Variants in HCRTR2 observed in about 807,000 individuals in gnomAD.
HCRTR2 encodes the protein orexin receptor type 2.
A neutral mutation model predicts 49.0 loss-of-function variants in HCRTR2; 22 were observed. The ratio of observed to expected loss-of-function variants is 0.45; its 90% CI spans 0.32 to 0.64. HCRTR2 has a LOEUF of 0.64. Among genes scored for constraint, HCRTR2 ranks in the 30% least tolerant of loss-of-function variants. The pLI, the probability that HCRTR2 is intolerant of heterozygous loss-of-function variation, is 0.04. For missense variants in HCRTR2, 491 were observed against 559.4 expected (o/e 0.88, Z 1.23); for synonymous variants, 236 against 205.3 (o/e 1.15, Z -1.28).
intron 1 of HCRTR2, among the ~76,000 whole-genome samples, chr6:55,178,616 T>G (rs1411890734): frequency 6.6e-6 from 1 of 152,228 alleles, no homozygotes; most frequent in East Asian, 1.9e-4. Context: ...AGCTTCTGCC[T>G]TCATGGGCCA....
intron 1 of HCRTR2, among the ~76,000 whole-genome samples, chr6:55,144,456 C>T (rs1472195174): frequency 1.3e-5 from 2 of 152,006 alleles, no homozygotes; most frequent in Non-Finnish European, 2.9e-5. Context: ...ATCTTCTACG[C>T]GTCATTCAAA....
At position 55,150,899 on chromosome 6, in the gene HCRTR2, A is replaced by G. The variant is rs543234085; in HGVS notation, c.-377-23312A>G. 2.6e-5 allele frequency among the ~76,000 whole-genome samples: 4 copies of G among 152,150 alleles called. No individual in the cohort carries two copies. The South Asian group carries it at 8.3e-4, about 32-fold the overall frequency. Reference sequence around the variant, plus strand: ...GTTTGTTTCTAGACAACTACAATAAAGTGAATATCACAATAAAGTGAATCC... The same window carrying G: ...GTTTGTTTCTAGACAACTACAATAAGGTGAATATCACAATAAAGTGAATCC... On this transcript the variant is annotated intron_variant, in intron 1 of 7. Coordinates refer to the HCRTR2 transcript ENST00000615358.
chr6:55,235,422 A>G (rs1337843563), intron 1 of HCRTR2, among the ~76,000 whole-genome samples: 1 of 152,134 alleles, frequency 6.6e-6, no homozygotes, highest in Non-Finnish European at 1.5e-5. Context: ...GTTTTCTTCA[A>G]ATAAATGTGT....
upstream of HCRTR2, among the ~76,000 whole-genome samples, chr6:55,171,336 G>A (rs1764946714): frequency 6.6e-6 from 1 of 152,132 alleles, no homozygotes; most frequent in African/African-American, 2.4e-5. Context: ...ACAACCTTAA[G>A]GGGATATCAT....
intron 1 of HCRTR2, among the ~76,000 whole-genome samples, chr6:55,107,003 G>T (rs560503577): frequency 1.3e-5 from 2 of 152,234 alleles, no homozygotes; most frequent in African/African-American, 4.8e-5. Flanking sequence ...TCTCCAAGGT[G>T]ATTGTAAGTG....
chr6:55,150,092 C>T (rs903744089), intron 1 of HCRTR2, among the ~76,000 whole-genome samples: 3 of 151,858 alleles, frequency 2.0e-5, no homozygotes, highest in African/African-American at 7.2e-5. Flanking sequence ...GCTTATCAAT[C>T]AGCTCTCATT....
intron 1 of HCRTR2, among the ~76,000 whole-genome samples, chr6:55,240,532 A>G (rs749206183): frequency 6.6e-6 from 1 of 152,120 alleles, no homozygotes; most frequent in Non-Finnish European, 1.5e-5. Context: ...AGATTTAGGG[A>G]CAACTTTGCC....
intron 1 of HCRTR2, among the ~76,000 whole-genome samples, chr6:55,193,782 A>T (rs781325365): frequency 2.0e-5 from 3 of 152,128 alleles, no homozygotes; most frequent in Non-Finnish European, 4.4e-5. Flanking sequence ...GGTTAGCATC[A>T]TTAATTTTAT....
chr6:55,126,674 C>T (rs1234911046), intron 1 of HCRTR2, among the ~76,000 whole-genome samples: 5 of 151,956 alleles, frequency 3.3e-5, no homozygotes, highest in Non-Finnish European at 7.4e-5. Flanking sequence ...ATATTTAAGT[C>T]TGCTGAAACC....
At chr6:55,240,226 C>A (rs545113628) in intron 1 of HCRTR2, among the ~76,000 whole-genome samples, 37 of 151,572 alleles carry the variant, frequency 2.4e-4, no homozygotes, top group Non-Finnish European at 1.2e-4. Flanking sequence ...GGCGCGGTGG[C>A]GGGCGCCTGT....
chr6:55,282,900 A>T (rs1502195), downstream of HCRTR2, among the ~76,000 whole-genome samples: 63,386 of 151,304 alleles, frequency 0.42, 14,185 homozygotes, highest in South Asian at 0.56. Context: ...AGTTTTTTTA[A>T]AAAAAATCAC....
chr6:55,260,423 A>G (rs1766732653), intron 3 of HCRTR2, among the ~76,000 whole-genome samples: 1 of 152,144 alleles, frequency 6.6e-6, no homozygotes. Flanking sequence ...AAAGGGAAAG[A>G]CTGTTATTTC....
intron 1 of HCRTR2, among the ~76,000 whole-genome samples, chr6:55,208,603 C>T (rs913067817): frequency 2.4e-4 from 36 of 152,042 alleles, no homozygotes; most frequent in African/African-American, 8.2e-4. Context: ...AGGGTTTATA[C>T]AAAGTTTTAT....
At chr6:55,190,862 C>A (rs143889089) in intron 1 of HCRTR2, among the ~76,000 whole-genome samples, 147 of 152,242 alleles carry the variant, frequency 9.7e-4, no homozygotes, top group African/African-American at 3.3e-3. Context: ...ACCCTGGAAT[C>A]TACACTTTAA....
At chr6:55,283,707 A>G (rs1025714670), downstream of HCRTR2, among the ~76,000 whole-genome samples, 1 of 152,192 alleles carries the variant, frequency 6.6e-6, no homozygotes, top group South Asian at 2.1e-4. Context: ...TTCATCTCCT[A>G]TTATGGTAAC....
Position 55,174,767 on chromosome 6 carries a change from G to A in HCRTR2, c.180G>A (p.Gly60=), listed in dbSNP as rs778741456. Residue 60 remains glycine (G), a synonymous_variant, in exon 1 of 7, where the codon GGG becomes GGA. Transcript: ENST00000370862. ...PKEYEWVLIA[G]YIIVFVVALI... ...AATATGAGTGGGTCCTGATCGCCGGGTACATCATCGTGTTCGTCGTGGCTC... is the reference window on the plus strand; with the variant it reads ...AATATGAGTGGGTCCTGATCGCCGGATACATCATCGTGTTCGTCGTGGCTC... The A allele has an allele frequency of 1.2e-6, 2 of 1,614,016 alleles. No homozygotes were observed. Among genetic ancestry groups the A allele is most frequent in the Admixed American group, 1.7e-5 (1 of 59,998 alleles).
At chr6:55,169,081 C>T (rs964799070) in intron 1 of HCRTR2, among the ~76,000 whole-genome samples, 2 of 151,514 alleles carry the variant, frequency 1.3e-5, no homozygotes, top group Non-Finnish European at 2.9e-5. Flanking sequence ...CATTTTCAGA[C>T]CTTTTTAGGT....
chr6:55,147,532 GAC>G (rs1335257555), intron 1 of HCRTR2, among the ~76,000 whole-genome samples: 1 of 152,094 alleles, frequency 6.6e-6, no homozygotes. Context: ...TATTGAAACA[GAC>G]ACAGAGAGGT....
At chr6:55,145,674 G>C (rs906563393) in intron 1 of HCRTR2, among the ~76,000 whole-genome samples, 56 of 151,940 alleles carry the variant, frequency 3.7e-4, no homozygotes, top group East Asian at 2.5e-3. Flanking sequence ...CTTGGCCTCC[G>C]AAAGTGCTGG....
Sources: gnomAD v4.1 joint callset for allele counts (sites outside exome capture counted in the v4.1 genomes callset) on GRCh38, gnomAD v4.1.1 for gene constraint, MANE v1.5 for transcripts, NCBI Gene and HGNC (gene_info 2026-07-23, HGNC 2026-07-21) for gene names.